Variants in AACS observed in about 807,000 individuals in gnomAD.
AACS encodes the protein acetoacetate-CoA ligase.
AACS carries 69 observed loss-of-function variants against 83.1 expected under a neutral mutation model. The observed-to-expected ratio is 0.83, with a 90% CI of 0.68 to 1.01. The LOEUF is 1.01. AACS is among the 50% of genes least tolerant of loss of function. The probability of loss-of-function intolerance (pLI) is 0.00; values close to 1 mark genes in which losing one functional copy is unlikely to be tolerated. For missense variants in AACS, 866 were observed against 882.2 expected (o/e 0.98, Z 0.23); for synonymous variants, 333 against 343.4 (o/e 0.97, Z 0.33).
At chr12:125,076,458 G>T in intron 2 of AACS, 33 bp from the exon 3 acceptor site, 1 of 1,610,866 alleles carries the variant, frequency 6.2e-7, no homozygotes, top group Non-Finnish European at 8.5e-7. Context: ...AGTCTCATGT[G>T]TGTGCGTCTT....
At chr12:125,105,278 GCT>G (rs1956809174) in intron 7 of AACS, 1 of 152,226 alleles carries the variant, frequency 6.6e-6, no homozygotes, top group African/African-American at 2.4e-5. Context: ...TGCACAGTCA[GCT>G]CTCAGTGATC....
At chr12:125,137,881 A>T (rs1957422382) in intron 17 of AACS, among the ~76,000 whole-genome samples, 1 of 152,202 alleles carries the variant, frequency 6.6e-6, no homozygotes, top group Non-Finnish European at 1.5e-5. Context: ...GCTGACTTTG[A>T]TGTTGCCCGG....
rs1359988184 is a variant in AACS at position 125,143,015 on chromosome 12, T to G, written c.*786T>G. The G allele has an allele frequency of 3.9e-5, 6 of 152,194 alleles. No individual in the cohort carries two copies. The East Asian group carries it at 1.2e-3, about 29-fold the overall frequency. The allele number at this position is 152,194 out of a possible 1,614,324, so 9.4% of individuals were successfully genotyped here. A position where few individuals can be genotyped will look rare whatever the true frequency, so the allele number is the denominator to read the frequency against. On this transcript the variant is annotated 3_prime_UTR_variant, in exon 18 of 18. Coordinates refer to ENST00000316519, the MANE Select transcript of AACS (RefSeq NM_023928.5). ...CAGTGTGGTCACCGAGTGAGGACCC[T>G]CCTCACCAGGAACCGCATCCCTGTG...
rs1593020677 is a variant in AACS at position 125,142,749 on chromosome 12, T to C, written c.*520T>C. ...CAGCTGGCTGCTAGGACCGGCGGGCTGGGTGTTCACGTGTGTCTGTGTCAT... is the reference window on the plus strand; with the variant it reads ...CAGCTGGCTGCTAGGACCGGCGGGCCGGGTGTTCACGTGTGTCTGTGTCAT... On this transcript the variant is annotated 3_prime_UTR_variant, in exon 18 of 18. Transcript: ENST00000316519. The C allele has an allele frequency of 6.5e-6, 1 of 154,532 alleles. No homozygotes were observed. The highest frequency in any genetic ancestry group is 1.4e-5 in the Non-Finnish European group (1 of 69,520). 9.6% of individuals were successfully genotyped at this position (154,532 alleles called of 1,614,324 possible). A position where few individuals can be genotyped will look rare whatever the true frequency, so the allele number is the denominator to read the frequency against.
At position 125,097,058 on chromosome 12, in the gene AACS, C is replaced by G. The variant is rs1303772372; in HGVS notation, c.570+5535C>G. ...ATTCTGTTCTTCTGATGGATTTGGG[C>G]AGGGTGTATGTTAGCATCAGACGCA... On this transcript the variant is annotated intron_variant, in intron 5 of 17. Transcript: ENST00000316519. This position sits in a 1 kb window ranked among gnomAD's most constrained non-coding sequence, Gnocchi z 4.3. Among the ~76,000 whole-genome samples, 1 of 151,996 alleles carries G rather than the reference C, an allele frequency of 6.6e-6. No homozygotes were observed. Among genetic ancestry groups the G allele is most frequent in the Admixed American group, 6.6e-5 (1 of 15,258 alleles).
chr12:125,134,768 G>C, intron 15 of AACS, 26 bp from the exon 16 acceptor site: 1 of 1,614,042 alleles, frequency 6.2e-7, no homozygotes, highest in South Asian at 1.1e-5. Context: ...GCTGCGGTGT[G>C]GCCCTGACCT....
chr12:125,092,914 G>A (rs1374482206), intron 5 of AACS, among the ~76,000 whole-genome samples: 2 of 152,220 alleles, frequency 1.3e-5, no homozygotes, highest in Non-Finnish European at 2.9e-5. Context: ...AGGGTGAGAC[G>A]GCAGGATGGC....
intron 16 of AACS, among the ~76,000 whole-genome samples, chr12:125,135,440 A>G (rs927758857): frequency 5.3e-5 from 8 of 152,186 alleles, no homozygotes; most frequent in Admixed American, 2.0e-4. Flanking sequence ...AAGCACAGAG[A>G]GGGTTCAGGA....
intron 4 of AACS, among the ~76,000 whole-genome samples, chr12:125,087,049 A>AACATGG (rs1956355368): frequency 2.0e-5 from 3 of 151,978 alleles, no homozygotes; most frequent in Admixed American, 1.3e-4. Context: ...TGTGGGGTGG[A>AACATGG]ACATGGAGGG....
At position 125,143,160 on chromosome 12, in the gene AACS, G is replaced by A. The variant is rs1957528833; in HGVS notation, c.*931G>A. The stretch of plus-strand genomic sequence containing the variant: ...GTATGTACAATTCAGTTCAGCGTAT[G>A]AACTTGTATCTCTAATCTGATGTCC... On this transcript the variant is annotated 3_prime_UTR_variant, in exon 18 of 18. Transcript: ENST00000316519. 6.6e-6 allele frequency: 1 copy of A among 152,252 alleles called. No homozygotes were observed. The highest frequency in any genetic ancestry group is 1.5e-5 in the Non-Finnish European group (1 of 68,042). 9.4% of individuals were successfully genotyped at this position (152,252 alleles called of 1,614,324 possible).
At chr12:125,089,931 A>C (rs1352716043) in intron 4 of AACS, among the ~76,000 whole-genome samples, 1 of 151,680 alleles carries the variant, frequency 6.6e-6, no homozygotes, top group Non-Finnish European at 1.5e-5. Context: ...CCATTTATCT[A>C]TCCTCCACCC....
chr12:125,085,711 T>C (rs560722090), intron 3 of AACS, among the ~76,000 whole-genome samples: 3 of 152,350 alleles, frequency 2.0e-5, no homozygotes, highest in African/African-American at 7.2e-5. Context: ...GGGACCTCTC[T>C]GTTCTTTCTT....
intron 4 of AACS, among the ~76,000 whole-genome samples, chr12:125,089,757 C>T (rs565825169): frequency 6.6e-6 from 1 of 151,556 alleles, no homozygotes; most frequent in Admixed American, 6.6e-5. Flanking sequence ...ATCCATCCGT[C>T]ATCCATCTAT....
intron 12 of AACS, chr12:125,126,911 T>C (rs1485590943): frequency 6.6e-6 from 1 of 152,050 alleles, no homozygotes; most frequent in Non-Finnish European, 1.5e-5. Context: ...TTTTTACATA[T>C]TTGTAGTTCT....
At chr12:125,120,177 T>A (rs1957129965) in intron 10 of AACS, 1 of 152,204 alleles carries the variant, frequency 6.6e-6, no homozygotes, top group African/African-American at 2.4e-5. Flanking sequence ...ATCATCATCA[T>A]TAGAAAGGCC....
At chr12:125,068,933 G>A (rs1442062669) in intron 1 of AACS, among the ~76,000 whole-genome samples, 5 of 151,602 alleles carry the variant, frequency 3.3e-5, no homozygotes, top group African/African-American at 1.2e-4. Flanking sequence ...TCCGCCTCCC[G>A]GGTTCAAGCA....
At chr12:125,137,811 T>C (rs1957421674) in intron 17 of AACS, among the ~76,000 whole-genome samples, 4 of 152,196 alleles carry the variant, frequency 2.6e-5, no homozygotes, top group Non-Finnish European at 5.9e-5. Flanking sequence ...TTGAAGCCTA[T>C]GGAATGGCTA....
chr12:125,102,684 G>T lies in AACS; in HGVS notation c.576G>T (p.Val192=). ...STSPDFGVNG[V]LDRFSQIQPK... ...CTTTTTCCTCCTGCTTTCAGGGTGT[G>T]CTGGACCGGTTTTCTCAAATTCAGC... is the stretch of plus-strand genomic sequence containing the variant. The change falls in exon 6 of 18, where the codon GTG becomes GTT. Residue 192 remains valine (V), a synonymous_variant. Transcript: ENST00000316519. 1 of 1,613,948 alleles carries T rather than the reference G, an allele frequency of 6.2e-7. No individual in the cohort carries two copies. Among genetic ancestry groups the T allele is most frequent in the African/African-American group, 1.3e-5 (1 of 75,016 alleles).
At chr12:125,079,918 C>G (rs1565925363) in intron 3 of AACS, among the ~76,000 whole-genome samples, 1 of 152,180 alleles carries the variant, frequency 6.6e-6, no homozygotes, top group African/African-American at 2.4e-5. Context: ...CTGGGTTTCC[C>G]TGTTCTGGAC....
Sources: gnomAD v4.1 joint callset for allele counts (sites outside exome capture counted in the v4.1 genomes callset) on GRCh38, gnomAD v4.1.1 for gene constraint, Gnocchi (gnomAD v3.1) non-coding constraint, MANE v1.5 for transcripts, NCBI Gene and HGNC (gene_info 2026-07-23, HGNC 2026-07-21) for gene names.